BTN1A1: variants seen among roughly 807,000 people sequenced by gnomAD.
BTN1A1 encodes bK14H9.2 (butyrophilin, subfamily 1, member A1).
In BTN1A1, 26 loss-of-function variants were observed where a neutral mutation model predicts 33.1. The observed-to-expected ratio is 0.79, with a 90% CI of 0.58 to 1.09. The LOEUF (loss-of-function observed/expected upper bound fraction) is 1.09, where lower values mean the gene tolerates loss of function less well. Among genes scored for constraint, BTN1A1 ranks in the 50% least tolerant of loss-of-function variants. The pLI, the probability that BTN1A1 is intolerant of heterozygous loss-of-function variation, is 0.00. For synonymous variants in BTN1A1, 235 were observed against 256.2 expected (o/e 0.92, Z 0.79); for missense variants, 558 against 655.7 (o/e 0.85, Z 1.63).
intron 3 of BTN1A1, among the ~76,000 whole-genome samples, chr6:26,503,657 A>G (rs897994359): frequency 6.7e-6 from 1 of 148,676 alleles, no homozygotes; most frequent in African/African-American, 2.5e-5. Flanking sequence ...ATATGCATAT[A>G]TTATATATAT....
At chr6:26,506,368 T>A (rs1763870010) in intron 4 of BTN1A1, among the ~76,000 whole-genome samples, 1 of 152,104 alleles carries the variant, frequency 6.6e-6, no homozygotes, top group African/African-American at 2.4e-5. Context: ...ACCTCCTTCA[T>A]CCTCTTGGCT....
At position 26,500,809 on chromosome 6, in the gene BTN1A1, G is replaced by A. The variant is rs551164615; in HGVS notation, c.-57-421G>A. On this transcript the variant is annotated intron_variant, in intron 1 of 7. Transcript: ENST00000684113. ...GCGCGCCTGTAGTCCCAGCTACTCC[G>A]GAGGCTGAGGCAGAACAATCGCTTG... is the stretch of plus-strand genomic sequence containing the variant. Among the ~76,000 whole-genome samples the A allele has an allele frequency of 3.3e-5, 5 of 152,180 alleles. No individual in the cohort carries two copies. In the East Asian group the frequency reaches 9.7e-4, roughly 29 times the overall value.
intron 1 of BTN1A1, among the ~76,000 whole-genome samples, chr6:26,500,585 T>C (rs998645626): frequency 1.3e-5 from 2 of 152,130 alleles, no homozygotes; most frequent in Admixed American, 6.5e-5. Context: ...TTATCTTTAT[T>C]ATCATTGCCA....
chr6:26,500,365 A>G lies in BTN1A1; in HGVS notation c.-58+7A>G, dbSNP rs1019497360. 2.0e-5 allele frequency among the ~76,000 whole-genome samples: 3 copies of G among 152,020 alleles called. No individual in the cohort carries two copies. Reference sequence around the variant, plus strand: ...TTTCTCCAAGATCACCCAGGTCAGTATGTGTGGTTACTCTCAGCTCCCTGA... The same window carrying G: ...TTTCTCCAAGATCACCCAGGTCAGTGTGTGTGGTTACTCTCAGCTCCCTGA... On this transcript the variant is annotated splice_region_variant and intron_variant, in intron 1 of 7. Transcript: ENST00000684113.
At chr6:26,503,383 G>A (rs768589581) in intron 3 of BTN1A1, among the ~76,000 whole-genome samples, 4 of 150,956 alleles carry the variant, frequency 2.6e-5, no homozygotes, top group Non-Finnish European at 4.4e-5. Flanking sequence ...AAGGAAAATC[G>A]CTTGAACCTG....
At position 26,501,573 on chromosome 6, in the gene BTN1A1, C is replaced by T. The variant is rs1262800150; in HGVS notation, c.80-17C>T. ...CCCATCTCCACATCCCGTCTGATCC[C>T]GCTCGTTTTTCGGCAGCTCCCTTTG... On this transcript the variant is annotated splice_polypyrimidine_tract_variant and intron_variant, in intron 2 of 7. Coordinates refer to ENST00000684113, the MANE Select transcript of BTN1A1 (RefSeq NM_001732.3). This position sits in a 1 kb window ranked among gnomAD's most constrained non-coding sequence, Gnocchi z 5.2. The T allele has an allele frequency of 3.1e-6, 5 of 1,611,578 alleles. No individual in the cohort carries two copies. Among genetic ancestry groups the T allele is most frequent in the Admixed American group, 3.3e-5 (2 of 59,950 alleles).
chr6:26,501,753 C>T lies in BTN1A1; in HGVS notation c.243C>T (p.Arg81=), dbSNP rs1301348739. 1.2e-6 allele frequency: 2 copies of T among 1,613,730 alleles called. No individual in the cohort carries two copies. The highest frequency in any genetic ancestry group is 8.5e-7 in the Non-Finnish European group (1 of 1,179,976). ...CCGTGCTGGTGCATAGGGACGGGCGCGAGCAGGAAGCCGAGCAGATGCCCG... is the reference window on the plus strand; with the variant it reads ...CCGTGCTGGTGCATAGGGACGGGCGTGAGCAGGAAGCCGAGCAGATGCCCG... ...SPAVLVHRDG[R]EQEAEQMPEY... The change falls in exon 3 of 8, where the codon CGC becomes CGT. Residue 81 remains arginine, a synonymous_variant. Transcript: ENST00000684113. This position sits in a 1 kb window ranked among gnomAD's most constrained non-coding sequence, Gnocchi z 5.2.
At position 26,505,087 on chromosome 6, in the gene BTN1A1, A is replaced by G; in HGVS notation, c.590A>G (p.Glu197Gly). The change falls in exon 4 of 8, where the codon GAA becomes GGA. Residue 197 changes from glutamate to glycine, a missense_variant. Glu to Gly is a moderately conservative substitution (Grantham distance 98). Coordinates refer to ENST00000684113, the MANE Select transcript of BTN1A1 (RefSeq NM_001732.3). ...TCAGAGTCCAGGAATCCTGATGAAG[A>G]AGGTTTGTTCACTGTGGCTGCTTCA... ...STSESRNPDE[E>G]GLFTVAASVI... is the part of the protein sequence containing the mutation. 1 of 1,614,234 alleles carries G rather than the reference A, an allele frequency of 6.2e-7. No individual in the cohort carries two copies. Among genetic ancestry groups the G allele is most frequent in the Non-Finnish European group, 8.5e-7 (1 of 1,180,040 alleles).
At chr6:26,505,289 C>T in intron 4 of BTN1A1, 83 bp downstream of exon 4, 1 of 1,395,884 alleles carries the variant, frequency 7.2e-7, no homozygotes, top group Non-Finnish European at 9.9e-7. Flanking sequence ...CAGATGTGAC[C>T]TCATGGCAGA....
intron 5 of BTN1A1, among the ~76,000 whole-genome samples, chr6:26,507,366 T>A (rs2113894121): frequency 6.6e-6 from 1 of 152,298 alleles, no homozygotes; most frequent in Middle Eastern, 3.4e-3. Context: ...TGATGTTTAC[T>A]CACTACCCAC....
intron 5 of BTN1A1, 112 bp downstream of exon 5, chr6:26,506,944 G>A (rs1763878547): frequency 7.5e-7 from 1 of 1,336,536 alleles, no homozygotes. Context: ...TTTGAGGCTG[G>A]GCATGGTGGC....
At chr6:26,505,841 G>A (rs1481408919) in intron 4 of BTN1A1, among the ~76,000 whole-genome samples, 11 of 152,004 alleles carry the variant, frequency 7.2e-5, no homozygotes, top group Admixed American at 2.0e-4. Flanking sequence ...TAAGTTGGCC[G>A]GGCGTGGTGG....
intron 3 of BTN1A1, among the ~76,000 whole-genome samples, chr6:26,503,277 A>C (rs147997374): frequency 2.2e-3 from 328 of 152,146 alleles, no homozygotes; most frequent in Non-Finnish European, 3.8e-3. Context: ...TTTGATCAGG[A>C]TATTCAAGAC....
At chr6:26,505,429 A>T (rs531357378) in intron 4 of BTN1A1, among the ~76,000 whole-genome samples, 1 of 152,200 alleles carries the variant, frequency 6.6e-6, no homozygotes, top group African/African-American at 2.4e-5. Flanking sequence ...TTATTTATCT[A>T]TTTATTTTTT....
chr6:26,503,399 C>A (rs1203735204), intron 3 of BTN1A1, among the ~76,000 whole-genome samples: 2 of 151,050 alleles, frequency 1.3e-5, no homozygotes, highest in Non-Finnish European at 2.9e-5. Context: ...ACCTGGGAGG[C>A]AGAGGTTGCA....
Position 26,509,127 on chromosome 6 carries a change from C to T in BTN1A1, c.1534C>T (p.Leu512Phe). ...CTCTGCCCCTAGGGATGCAGACACT[C>T]TCCATTCTAAGCTAATCCCTACCCA... The part of the protein sequence containing the change: ...EDSAPRDADT[L>F]HSKLIPTQPS... Residue 512 changes from leucine to phenylalanine, a missense_variant, in exon 8 of 8, where the codon CTC becomes TTC. By Grantham distance (22) the Leu-to-Phe change is conservative. Coordinates refer to ENST00000684113, the MANE Select transcript of BTN1A1 (RefSeq NM_001732.3). 1 of 1,613,960 alleles carries T rather than the reference C, an allele frequency of 6.2e-7. No homozygotes were observed. The highest frequency in any genetic ancestry group is 8.5e-7 in the Non-Finnish European group (1 of 1,179,916).
chr6:26,503,441 C>A (rs1364037448), intron 3 of BTN1A1, among the ~76,000 whole-genome samples: 1 of 151,552 alleles, frequency 6.6e-6, no homozygotes, highest in Admixed American at 6.6e-5. Flanking sequence ...GCACTCCAGC[C>A]TGGGCAACAG....
chr6:26,505,691 G>T (rs1365873614), intron 4 of BTN1A1, among the ~76,000 whole-genome samples: 1 of 151,734 alleles, frequency 6.6e-6, no homozygotes, highest in East Asian at 1.9e-4. Context: ...CTCCCAAAGT[G>T]CTGGGATTAT....
chr6:26,501,363 C>A lies in BTN1A1; in HGVS notation c.77C>A (p.Ser26Ter). Residue 26 changes from serine to a stop codon, truncating the protein, a stop_gained and splice_region_variant, in exon 2 of 8, where the codon TCA becomes TAA. Transcript: ENST00000684113. LOFTEE classifies it high-confidence loss of function. The surrounding 1 kb of genome is among the most constrained non-coding windows in gnomAD (Gnocchi z 5.2). ...LILLQLPKLDSAPFDVIGPPE... is the reference protein window; with the variant it reads ...LILLQLPKLD ...CTCCTCCAGCTGCCCAAACTGGATT[C>A]AGGTAAGTCTCTCTCTCTCTCTGGG... 1 of 1,612,608 alleles carries A rather than the reference C, an allele frequency of 6.2e-7. No homozygotes were observed. Among genetic ancestry groups the A allele is most frequent in the Non-Finnish European group, 8.5e-7 (1 of 1,178,686 alleles).
Sources: gnomAD v4.1 joint callset for allele counts (sites outside exome capture counted in the v4.1 genomes callset) on GRCh38, gnomAD v4.1.1 for gene constraint, Gnocchi (gnomAD v3.1) non-coding constraint, MANE v1.5 for transcripts, NCBI Gene and HGNC (gene_info 2026-07-23, HGNC 2026-07-21) for gene names.